The following BAZ1B variants were observed in gnomAD, a reference collection of about 807,000 sequenced individuals.
BAZ1B encodes the protein tyrosine-protein kinase BAZ1B.
In BAZ1B, 22 loss-of-function variants were observed where a neutral mutation model predicts 153.8. The ratio of observed to expected loss-of-function variants is 0.14; its 90% CI spans 0.10 to 0.20. BAZ1B has a LOEUF of 0.20. Among genes scored for constraint, BAZ1B ranks in the 10% least tolerant of loss-of-function variants. BAZ1B has a pLI of 1.00. For missense variants in BAZ1B, 1,325 were observed against 1,799.3 expected (o/e 0.74, Z 4.77); for synonymous variants, 676 against 633.4 (o/e 1.07, Z -1.01).
chr7:73,484,870 A>C (rs1488034697), intron 6 of BAZ1B, among the ~76,000 whole-genome samples: 1 of 152,204 alleles, frequency 6.6e-6, no homozygotes, highest in African/African-American at 2.4e-5. Context: ...AAGCTGAGGG[A>C]CTGTCCCAGA....
At chr7:73,465,366 A>G (rs1788542217) in intron 11 of BAZ1B, 73 bp downstream of exon 11, 1 of 1,064,478 alleles carries the variant, frequency 9.4e-7, no homozygotes, top group Non-Finnish European at 1.3e-6. Flanking sequence ...TGGATAAGAA[A>G]AAAAACCCTC....
intron 7 of BAZ1B, among the ~76,000 whole-genome samples, chr7:73,470,698 C>T (rs1283372468): frequency 6.6e-6 from 1 of 152,158 alleles, no homozygotes; most frequent in Non-Finnish European, 1.5e-5. Flanking sequence ...TCTCATCCCT[C>T]AACTCAATGC....
intron 12 of BAZ1B, among the ~76,000 whole-genome samples, chr7:73,461,271 C>T (rs915603007): frequency 2.0e-5 from 3 of 151,712 alleles, no homozygotes; most frequent in Non-Finnish European, 4.4e-5. Flanking sequence ...CCACCGCGCC[C>T]GCATGAACAA....
chr7:73,484,384 T>C lies in BAZ1B; in HGVS notation c.891+4810A>G, dbSNP rs532417223. On this transcript the variant is annotated intron_variant, in intron 6 of 19. Coordinates refer to ENST00000339594, the MANE Select transcript of BAZ1B (RefSeq NM_032408.4). ...CAGGCATGATAGCTCACACCTGTAA[T>C]CCCAACACTTCAGGGGTCGAGGCGG... Among the ~76,000 whole-genome samples the C allele has an allele frequency of 4.6e-5, 7 of 152,074 alleles. No individual in the cohort carries two copies. The South Asian group carries it at 1.5e-3, about 32-fold the overall frequency.
At chr7:73,497,065 C>CATAAAAAAAAAAAAAA (rs1789933657) in intron 4 of BAZ1B, among the ~76,000 whole-genome samples, 1 of 49,528 alleles carries the variant, frequency 2.0e-5, no homozygotes, top group African/African-American at 8.9e-5. Context: ...CTGACCTCTA[C>CATAAAAAAAAAAAAAA]AAAAAAAAAA....
chr7:73,464,659 C>T (rs782441088), intron 11 of BAZ1B, among the ~76,000 whole-genome samples: 8 of 152,204 alleles, frequency 5.3e-5, no homozygotes, highest in Non-Finnish European at 8.8e-5. Flanking sequence ...TAGCACAGAA[C>T]AGTACTTCAT....
intron 7 of BAZ1B, among the ~76,000 whole-genome samples, chr7:73,472,782 G>C (rs1203700186): frequency 1.3e-5 from 2 of 150,796 alleles, no homozygotes; most frequent in African/African-American, 4.9e-5. Context: ...TTTTGAGATG[G>C]AGTCTCGCTC....
intron 3 of BAZ1B, among the ~76,000 whole-genome samples, chr7:73,506,618 G>GCCT (rs1790352975): frequency 6.6e-6 from 1 of 151,762 alleles, no homozygotes; most frequent in Admixed American, 6.6e-5. Context: ...CTGGGAGGCT[G>GCCT]AAGTAGGCAT....
At chr7:73,449,811 C>G in intron 14 of BAZ1B, 122 bp from the exon 15 acceptor site, 1 of 1,064,080 alleles carries the variant, frequency 9.4e-7, no homozygotes, top group South Asian at 2.1e-5. Context: ...TAGAATGCTA[C>G]CCAGTTGTTG....
chr7:73,458,221 A>G (rs1189480385), intron 13 of BAZ1B, among the ~76,000 whole-genome samples: 2 of 152,232 alleles, frequency 1.3e-5, no homozygotes, highest in East Asian at 3.8e-4. Context: ...ACTGAATTTT[A>G]AGAGTAGTTG....
In BAZ1B at chr7:73,465,510, C is replaced by A. The variant is rs1554571050; in HGVS notation, c.3000G>T (p.Leu1000=). The A allele has an allele frequency of 2.5e-6, 4 of 1,609,192 alleles. No individual in the cohort carries two copies. The highest frequency in any genetic ancestry group is 3.4e-6 in the Non-Finnish European group (4 of 1,178,012). ...LWFLCDSQKE[L]DELLNCLHPQ... is the part of the protein sequence containing the mutation. ...GGTGAAGACAGTTTAGCAACTCATC[C>A]AGCTCCTTTTGACTATCACATAAAA... The change falls in exon 11 of 20, where the codon CTG becomes CTT. Residue 1000 remains leucine, a synonymous_variant. Coordinates refer to ENST00000339594, the MANE Select transcript of BAZ1B (RefSeq NM_032408.4).
intron 13 of BAZ1B, among the ~76,000 whole-genome samples, chr7:73,457,587 T>C (rs1788252191): frequency 6.6e-6 from 1 of 152,186 alleles, no homozygotes; most frequent in Non-Finnish European, 1.5e-5. Context: ...AGACATGATA[T>C]AATAAATATA....
chr7:73,449,340 G>A (rs1476402212), intron 15 of BAZ1B, among the ~76,000 whole-genome samples: 3 of 152,154 alleles, frequency 2.0e-5, no homozygotes, highest in Admixed American at 6.6e-5. Context: ...GGCTGGCAGT[G>A]AAAACTAGAA....
intron 13 of BAZ1B, among the ~76,000 whole-genome samples, chr7:73,458,814 A>G (rs1351987033): frequency 2.6e-5 from 4 of 152,214 alleles, no homozygotes; most frequent in African/African-American, 9.6e-5. Context: ...GGATAGCTTG[A>G]GGCCAGAAGT....
At chr7:73,500,568 C>G (rs1384847371) in intron 3 of BAZ1B, among the ~76,000 whole-genome samples, 1 of 151,712 alleles carries the variant, frequency 6.6e-6, no homozygotes, top group African/African-American at 2.4e-5. Flanking sequence ...AATAAAAAAA[C>G]TCTACAAAGC....
chr7:73,476,002 T>C (rs1788984422), intron 7 of BAZ1B, among the ~76,000 whole-genome samples: 1 of 151,838 alleles, frequency 6.6e-6, no homozygotes, highest in Non-Finnish European at 1.5e-5. Flanking sequence ...CTTAGCATAA[T>C]GTTTTCAAGA....
At chr7:73,468,249 C>T (rs897623325) in intron 9 of BAZ1B, among the ~76,000 whole-genome samples, 1 of 152,078 alleles carries the variant, frequency 6.6e-6, no homozygotes, top group Admixed American at 6.6e-5. Context: ...TAGTGGTTCT[C>T]GAAAGGGAGC....
chr7:73,442,529 G>C lies in BAZ1B; in HGVS notation c.4119C>G (p.Ala1373=). ...PFREPVTRDE[A]EDYYDVITHP... The stretch of plus-strand genomic sequence containing the variant: ...GCGTGATCACATCATAGTAGTCCTC[G>C]GCCTCATCTCTGGTCACAGGCTCCC... Residue 1373 remains alanine, a synonymous_variant, in exon 19 of 20, where the codon GCC becomes GCG. Transcript: ENST00000339594. 6.2e-7 allele frequency: 1 copy of C among 1,612,162 alleles called. No homozygotes were observed. The highest frequency in any genetic ancestry group is 8.5e-7 in the Non-Finnish European group (1 of 1,178,666).
Position 73,442,373 on chromosome 7 carries a change from C to T in BAZ1B, c.4275G>A (p.Val1425=). Residue 1425 remains valine, a synonymous_variant, in exon 19 of 20, where the codon GTG becomes GTA. Coordinates refer to ENST00000339594, the MANE Select transcript of BAZ1B (RefSeq NM_032408.4). Reference sequence around the variant, plus strand: ...GTTCTGTCTTCACCATGCAGCTTAGCACATGGCTGCCACGGCAGTTGTAAA... The same window carrying T: ...GTTCTGTCTTCACCATGCAGCTTAGTACATGGCTGCCACGGCAGTTGTAAA... ...AEVYNCRGSH[V]LSCMVKTEQC... The T allele has an allele frequency of 1.2e-6, 2 of 1,614,234 alleles. No homozygotes were observed. The highest frequency in any genetic ancestry group is 1.7e-6 in the Non-Finnish European group (2 of 1,180,044).
Sources: allele counts gnomAD v4.1 joint callset (sites outside exome capture counted in the v4.1 genomes callset), GRCh38; gene constraint gnomAD v4.1.1; transcripts MANE v1.5; gene names NCBI Gene and HGNC (gene_info 2026-07-23, HGNC 2026-07-21).